The following THEMIS variants were observed in gnomAD, a reference collection of about 807,000 sequenced individuals.
THEMIS encodes the protein thymocyte selection associated.
THEMIS carries 37 observed loss-of-function variants against 52.6 expected under a neutral mutation model. The observed-to-expected ratio is 0.70, with a 90% CI of 0.54 to 0.93. THEMIS has a LOEUF of 0.93. THEMIS is among the 40% of genes least tolerant of loss of function. The pLI is 0.00. For missense variants in THEMIS, 808 were observed against 763.1 expected (o/e 1.06, Z -0.69); for synonymous variants, 292 against 272.7 (o/e 1.07, Z -0.70).
At chr6:127,749,106 G>A (rs1200959344) in intron 4 of THEMIS, among the ~76,000 whole-genome samples, 1 of 151,982 alleles carries the variant, frequency 6.6e-6, no homozygotes, top group African/African-American at 2.4e-5. Flanking sequence ...ATTGCCTTTG[G>A]CAAAAATCTC....
rs545984035 is a variant in THEMIS, at chr6:127,908,280, C to T, written c.-149-7199G>A. The stretch of plus-strand genomic sequence containing the variant: ...AGAATATAAGCCCTTAGAGACATTA[C>T]ATTTTAGCTGACCATGCCCACAAGT... On this transcript the variant is annotated intron_variant, in intron 1 of 6. Transcript: ENST00000368250. Among the ~76,000 whole-genome samples, 6 of 152,218 alleles carry T rather than the reference C, an allele frequency of 3.9e-5. No homozygotes were observed. In the South Asian group the frequency reaches 1.2e-3, roughly 32 times the overall value.
chr6:127,878,210 TATA>T (rs1780373041), intron 1 of THEMIS, among the ~76,000 whole-genome samples: 1 of 152,140 alleles, frequency 6.6e-6, no homozygotes, highest in Admixed American at 6.5e-5. Flanking sequence ...TGCAAAGTGG[TATA>T]AGAATCTTGT....
At chr6:127,842,279 G>A (rs1273080279) in intron 2 of THEMIS, among the ~76,000 whole-genome samples, 1 of 151,956 alleles carries the variant, frequency 6.6e-6, no homozygotes, top group Non-Finnish European at 1.5e-5. Context: ...ACGATTGAAT[G>A]TAATACATAT....
chr6:127,702,631 A>C, the THEMIS span, among the ~76,000 whole-genome samples: 1 of 136,546 alleles, frequency 7.3e-6, no homozygotes, highest in African/African-American at 2.8e-5. Context: ...TTTTTTTTTT[A>C]GCTATCATAT....
upstream of THEMIS, among the ~76,000 whole-genome samples, chr6:127,901,954 C>T (rs1055270376): frequency 3.2e-4 from 49 of 152,020 alleles, no homozygotes; most frequent in African/African-American, 1.1e-3. Context: ...CTATTTTTTG[C>T]ATGTAACTGA....
chr6:127,904,299 T>C (rs1781215810), upstream of THEMIS, among the ~76,000 whole-genome samples: 1 of 152,026 alleles, frequency 6.6e-6, no homozygotes, highest in African/African-American at 2.4e-5. Context: ...GGTAGGAAGC[T>C]GAAGAAGCCA....
chr6:127,705,108 A>C (rs1265371759), downstream of THEMIS, among the ~76,000 whole-genome samples: 1 of 152,222 alleles, frequency 6.6e-6, no homozygotes, highest in African/African-American at 2.4e-5. Context: ...CAAATGACTT[A>C]GCTGGTTAGT....
At chr6:127,860,489 T>TA (rs1385379770) in intron 1 of THEMIS, among the ~76,000 whole-genome samples, 1 of 152,116 alleles carries the variant, frequency 6.6e-6, no homozygotes. Flanking sequence ...AAAATCTCCC[T>TA]AACCTCTAAG....
At chr6:127,817,579 T>C (rs1326301264) in intron 3 of THEMIS, among the ~76,000 whole-genome samples, 1 of 152,136 alleles carries the variant, frequency 6.6e-6, no homozygotes, top group East Asian at 1.9e-4. Flanking sequence ...ATGATATAGA[T>C]GCCTAAAGAG....
intron 1 of THEMIS, among the ~76,000 whole-genome samples, chr6:127,886,719 A>G (rs914747433): frequency 6.6e-6 from 1 of 152,128 alleles, no homozygotes; most frequent in African/African-American, 2.4e-5. Flanking sequence ...GTTGTCACGC[A>G]TCATTGTTAA....
chr6:127,909,150 A>G (rs1781349229), intron 1 of THEMIS, among the ~76,000 whole-genome samples: 1 of 152,144 alleles, frequency 6.6e-6, no homozygotes, highest in African/African-American at 2.4e-5. Flanking sequence ...AACCCAAGTT[A>G]GTTTATTGGG....
chr6:127,914,105 A>C (rs1332540389), intron 1 of THEMIS, among the ~76,000 whole-genome samples: 1 of 152,200 alleles, frequency 6.6e-6, no homozygotes, highest in Non-Finnish European at 1.5e-5. Flanking sequence ...ACCTGAATGT[A>C]ATTTTATACA....
At chr6:127,706,949 T>C (rs1773816312), downstream of THEMIS, among the ~76,000 whole-genome samples, 1 of 152,092 alleles carries the variant, frequency 6.6e-6, no homozygotes, top group Admixed American at 6.6e-5. Context: ...ACTGGGTAAT[T>C]TATAAAGGAA....
intron 5 of THEMIS, among the ~76,000 whole-genome samples, chr6:127,717,161 T>C (rs1774196377): frequency 6.6e-6 from 1 of 151,726 alleles, no homozygotes; most frequent in Admixed American, 6.6e-5. Flanking sequence ...GCTTATTATG[T>C]ACTCTACTAA....
At chr6:127,768,349 A>G (rs966192769) in intron 4 of THEMIS, among the ~76,000 whole-genome samples, 8 of 152,138 alleles carry the variant, frequency 5.3e-5, no homozygotes, top group Non-Finnish European at 1.2e-4. Flanking sequence ...CTCCAAGCAC[A>G]TTTCCCTCCC....
rs1425984388 is a variant in THEMIS, at chr6:127,813,146, T to G, written c.1495A>C (p.Thr499Pro). ...CCCACAGGAATTTCCCAGCACTCCG[T>G]GGGGTTGGCAAAGTCACTTATGAGT... ...YLLISDFANP[T>P]ECWEIPVGRL... Residue 499 changes from threonine to proline, a missense_variant, in exon 4 of 6, where the codon ACG becomes CCG. Thr to Pro is a conservative substitution (Grantham distance 38). Transcript: ENST00000368248. 2 of 1,613,940 alleles carry G rather than the reference T, an allele frequency of 1.2e-6. No individual in the cohort carries two copies.
chr6:127,766,496 C>T (rs1776204165), intron 4 of THEMIS, among the ~76,000 whole-genome samples: 1 of 152,158 alleles, frequency 6.6e-6, no homozygotes, highest in African/African-American at 2.4e-5. Context: ...TTAAGTCACA[C>T]ATCACTGAAT....
downstream of THEMIS, among the ~76,000 whole-genome samples, chr6:127,707,412 A>G (rs184018758): frequency 6.6e-6 from 1 of 152,236 alleles, no homozygotes; most frequent in African/African-American, 2.4e-5. Context: ...GTGGTGTGTA[A>G]TAATAGCACA....
chr6:127,916,432 G>A (rs1396161569), intron 1 of THEMIS, among the ~76,000 whole-genome samples: 1 of 152,058 alleles, frequency 6.6e-6, no homozygotes, highest in Non-Finnish European at 1.5e-5. Flanking sequence ...ATTCTGCCTG[G>A]GATAAGGTGA....
Sources: allele counts gnomAD v4.1 joint callset (sites outside exome capture counted in the v4.1 genomes callset), GRCh38; gene constraint gnomAD v4.1.1; transcripts MANE v1.5; gene names NCBI Gene and HGNC (gene_info 2026-07-23, HGNC 2026-07-21).